Variants in STX2 observed in about 807,000 individuals in gnomAD.
STX2 encodes syntaxin-2.
In STX2, 27 loss-of-function variants were observed where a neutral mutation model predicts 40.6. The observed-to-expected ratio is 0.66, with a 90% CI of 0.49 to 0.92. The LOEUF is 0.92. STX2 is among the 40% of genes least tolerant of loss of function. The pLI is 0.00. For synonymous variants in STX2, 123 were observed against 119.1 expected (o/e 1.03, Z -0.22); for missense variants, 328 against 366.1 (o/e 0.90, Z 0.85).
intron 1 of STX2, among the ~76,000 whole-genome samples, chr12:130,831,738 A>G (rs566947606): frequency 2.3e-3 from 346 of 152,242 alleles, no homozygotes; most frequent in African/African-American, 7.8e-3. Flanking sequence ...TTACACTTTT[A>G]TACCTATAAT....
intron 1 of STX2, 80 bp downstream of exon 1, chr12:130,838,990 C>CCCA: frequency 5.2e-6 from 6 of 1,145,422 alleles, no homozygotes; most frequent in South Asian, 2.4e-5. Context: ...GGAGCCCCGC[C>CCCA]CAAGACGCCC....
intron 10 of STX2, among the ~76,000 whole-genome samples, chr12:130,794,473 G>A (rs1950968909): frequency 6.6e-6 from 1 of 152,170 alleles, no homozygotes; most frequent in South Asian, 2.1e-4. Context: ...ACTGCATGGT[G>A]AGCGTAACAG....
At position 130,821,724 on chromosome 12, in the gene STX2, T is replaced by C; in HGVS notation, c.170A>G (p.His57Arg). ...TQYVEEVKKNHSIILSAPNPE... is the reference protein window; with the variant it reads ...TQYVEEVKKNRSIILSAPNPE... ...GTTTGGTGCAGAAAGAATGATGCTGTGGTTTTTCTTTACTTCTTCAACATA... is the reference window on the plus strand; with the variant it reads ...GTTTGGTGCAGAAAGAATGATGCTGCGGTTTTTCTTTACTTCTTCAACATA... The change falls in exon 3 of 11, where the codon CAC (histidine) becomes CGC (arginine). Residue 57 changes from histidine (H) to arginine (R), a missense_variant. Coordinates refer to ENST00000392373, the MANE Select transcript of STX2 (RefSeq NM_194356.4). 1 of 1,613,932 alleles carries C rather than the reference T, an allele frequency of 6.2e-7. No individual in the cohort carries two copies.
chr12:130,792,641 T>C (rs1447067083), intron 10 of STX2, among the ~76,000 whole-genome samples: 1 of 152,160 alleles, frequency 6.6e-6, no homozygotes, highest in Admixed American at 6.5e-5. Context: ...TTAAAAAATA[T>C]GTTTTTAAGA....
At chr12:130,803,997 T>G (rs1951332520) in intron 6 of STX2, among the ~76,000 whole-genome samples, 1 of 152,174 alleles carries the variant, frequency 6.6e-6, no homozygotes, top group Non-Finnish European at 1.5e-5. Context: ...GATTACAGGG[T>G]GCAGTCCTAG....
intron 2 of STX2, 71 bp from the exon 3 acceptor site, chr12:130,821,859 G>A (rs1008623775): frequency 2.7e-5 from 24 of 901,134 alleles, no homozygotes; most frequent in African/African-American, 4.9e-5. Flanking sequence ...CCCTAAAAGG[G>A]GAAGAATAAA....
intron 1 of STX2, among the ~76,000 whole-genome samples, chr12:130,835,919 G>T (rs1020973163): frequency 6.7e-6 from 1 of 149,264 alleles, no homozygotes; most frequent in Non-Finnish European, 1.5e-5. Flanking sequence ...CCCTGTCCAC[G>T]TAACTGTCAG....
intron 1 of STX2, 42 bp from the exon 2 acceptor site, chr12:130,827,309 T>G: frequency 6.6e-7 from 1 of 1,517,336 alleles, no homozygotes; most frequent in South Asian, 1.1e-5. Context: ...AAAATTTTTA[T>G]GTAGGCACAA....
At chr12:130,828,225 T>TC (rs1240247610) in intron 1 of STX2, among the ~76,000 whole-genome samples, 2 of 152,068 alleles carry the variant, frequency 1.3e-5, no homozygotes, top group Admixed American at 6.6e-5. Context: ...TAGTCCCTAC[T>TC]CTTTTTTTTT....
intron 3 of STX2, among the ~76,000 whole-genome samples, chr12:130,817,623 A>G (rs1203202598): frequency 1.3e-5 from 2 of 152,184 alleles, no homozygotes; most frequent in Non-Finnish European, 2.9e-5. Flanking sequence ...AGAAGAGGGA[A>G]AAAGAAAACG....
chr12:130,819,643 C>T (rs1489142757), intron 3 of STX2, among the ~76,000 whole-genome samples: 1 of 152,132 alleles, frequency 6.6e-6, no homozygotes. Flanking sequence ...AAAAAAAATG[C>T]GGATACTTAT....
chr12:130,812,357 C>T (rs1301961903), intron 4 of STX2: 2 of 342,378 alleles, frequency 5.8e-6, no homozygotes, highest in South Asian at 2.1e-5. Context: ...AGTCTGGGAG[C>T]GGGTGCGGGT....
At chr12:130,837,421 G>A (rs1952786438) in intron 1 of STX2, among the ~76,000 whole-genome samples, 1 of 152,164 alleles carries the variant, frequency 6.6e-6, no homozygotes. Context: ...AGCCTCCAGA[G>A]TAGCTGGGAC....
At position 130,835,110 on chromosome 12, in the gene STX2, G is replaced by A. The variant is rs531716517; in HGVS notation, c.30+3960C>T. Reference sequence around the variant, plus strand: ...TGAAGACCAGCCTGGGCAACACAGCGCAACCCCATCTCTATAAAAAATACA... The same window carrying A: ...TGAAGACCAGCCTGGGCAACACAGCACAACCCCATCTCTATAAAAAATACA... On this transcript the variant is annotated intron_variant, in intron 1 of 10. Transcript: ENST00000392373. Among the ~76,000 whole-genome samples the A allele has an allele frequency of 7.0e-4, 106 of 152,298 alleles. 1 individual carries two copies. Among genetic ancestry groups the A allele is most frequent in the Non-Finnish European group, 1.1e-3 (74 of 68,032 alleles).
rs1950841059 is a variant in STX2, at chr12:130,790,166, GAAA to G, written c.*1854_*1856del. On this transcript the variant is annotated 3_prime_UTR_variant, in exon 11 of 11. Transcript: ENST00000392373. ...ACGACAGGGTGTTTAAAGACCAAAA[GAAA>G]AAGAACAGTCAGAGGCAGAATTCCC... The G allele has an allele frequency of 6.6e-6, 1 of 152,136 alleles. No homozygotes were observed. Among genetic ancestry groups the G allele is most frequent in the African/African-American group, 2.4e-5 (1 of 41,410 alleles). The allele number at this position is 152,136 out of a possible 1,614,324, so 9.4% of individuals were successfully genotyped here.
chr12:130,837,886 T>C (rs56034314), intron 1 of STX2, among the ~76,000 whole-genome samples: 1,887 of 152,306 alleles, frequency 0.012, 43 homozygotes, highest in African/African-American at 0.043. Flanking sequence ...GTGAAGAAAC[T>C]TCCTTGGAAT....
chr12:130,792,063 A>G (rs1010059886), intron 10 of STX2, 86 bp from the exon 11 acceptor site: 4 of 906,506 alleles, frequency 4.4e-6, no homozygotes, highest in Middle Eastern at 3.1e-4. Context: ...GGGATTTGGG[A>G]TAGTTTAAAA....
intron 10 of STX2, among the ~76,000 whole-genome samples, chr12:130,795,294 T>TA (rs1445378643): frequency 1.3e-5 from 2 of 152,246 alleles, no homozygotes; most frequent in Non-Finnish European, 2.9e-5. Flanking sequence ...AATGATGCGT[T>TA]AGTGTATTTT....
intron 3 of STX2, among the ~76,000 whole-genome samples, chr12:130,821,135 C>A (rs1952096418): frequency 6.6e-6 from 1 of 152,212 alleles, no homozygotes. Context: ...TTTCACTCTC[C>A]TGTGTGCCTC....
Sources: allele counts gnomAD v4.1 joint callset (sites outside exome capture counted in the v4.1 genomes callset), GRCh38; gene constraint gnomAD v4.1.1; transcripts MANE v1.5; gene names NCBI Gene and HGNC (gene_info 2026-07-23, HGNC 2026-07-21).